Variants in PPP4R2 observed in about 807,000 individuals in gnomAD.
The protein encoded by PPP4R2 is protein phosphatase 4 regulatory subunit 2.
PPP4R2 carries 13 observed loss-of-function variants against 47.2 expected under a neutral mutation model. That is an observed-to-expected ratio of 0.28 (90% CI 0.18 to 0.44). The LOEUF (loss-of-function observed/expected upper bound fraction) is 0.44. Ranked by LOEUF, PPP4R2 falls within the 20% of genes least tolerant of loss-of-function variation. The pLI, the probability that PPP4R2 is intolerant of heterozygous loss-of-function variation, is 1.00. For missense variants in PPP4R2, 421 were observed against 491.2 expected, an observed-to-expected ratio of 0.86 and a Z score of 1.35; for synonymous variants, 151 against 163.3, an observed-to-expected ratio of 0.92 and a Z score of 0.57.
chr3:73,021,728 A>G (rs1192893434), intron 2 of PPP4R2, among the ~76,000 whole-genome samples: 3 of 151,922 alleles, frequency 2.0e-5, no homozygotes, highest in Admixed American at 2.0e-4. Context: ...ACAAATATTT[A>G]TTGAGTATAT....
chr3:73,023,754 G>A (rs1213736650), intron 2 of PPP4R2, among the ~76,000 whole-genome samples: 1 of 152,052 alleles, frequency 6.6e-6, no homozygotes, highest in African/African-American at 2.4e-5. Flanking sequence ...AAATGGAAGT[G>A]GACCATTTAG....
intron 2 of PPP4R2, among the ~76,000 whole-genome samples, chr3:73,000,282 C>A (rs11706722): frequency 0.13 from 19,742 of 152,072 alleles, 1,552 homozygotes; most frequent in East Asian, 0.36. Flanking sequence ...TGCAGTGAGC[C>A]ATGATGGTTG....
chr3:73,007,836 A>C (rs955538130), intron 2 of PPP4R2, among the ~76,000 whole-genome samples: 2 of 152,148 alleles, frequency 1.3e-5, no homozygotes, highest in African/African-American at 4.8e-5. Flanking sequence ...TGTCTAACGT[A>C]GTATTTCTTG....
chr3:73,032,580 C>T (rs181516357), intron 2 of PPP4R2, among the ~76,000 whole-genome samples: 1 of 152,300 alleles, frequency 6.6e-6, no homozygotes, highest in Admixed American at 6.5e-5. Context: ...AGCCACCGTG[C>T]CCAGCCTACC....
chr3:73,021,913 T>G (rs1413587612), intron 2 of PPP4R2, among the ~76,000 whole-genome samples: 1 of 150,002 alleles, frequency 6.7e-6, no homozygotes, highest in Non-Finnish European at 1.5e-5. Context: ...TTTTTTTTTT[T>G]TTTGAAACAA....
chr3:73,039,481 GT>G (rs1479724741), intron 2 of PPP4R2, among the ~76,000 whole-genome samples: 1 of 151,980 alleles, frequency 6.6e-6, no homozygotes, highest in Non-Finnish European at 1.5e-5. Context: ...CAAAAATTCT[GT>G]TCATAATTGT....
intron 2 of PPP4R2, among the ~76,000 whole-genome samples, chr3:73,007,591 C>T (rs924275960): frequency 6.6e-6 from 1 of 152,086 alleles, no homozygotes; most frequent in African/African-American, 2.4e-5. Context: ...CAGGTTCAAG[C>T]GATTCTCCTG....
intron 2 of PPP4R2, among the ~76,000 whole-genome samples, chr3:73,022,736 A>G (rs559217433): frequency 8.7e-4 from 132 of 151,824 alleles, no homozygotes; most frequent in Non-Finnish European, 1.5e-3. Context: ...TGAAACATCA[A>G]TAGCGACCTA....
chr3:73,034,690 G>T (rs1002416148), intron 2 of PPP4R2, among the ~76,000 whole-genome samples: 2 of 152,024 alleles, frequency 1.3e-5, no homozygotes, highest in Non-Finnish European at 2.9e-5. Context: ...ATGCCACCAT[G>T]CCTGGATAAT....
chr3:73,005,017 C>T (rs1426386197), intron 2 of PPP4R2, among the ~76,000 whole-genome samples: 1 of 147,402 alleles, frequency 6.8e-6, no homozygotes, highest in Non-Finnish European at 1.5e-5. Flanking sequence ...GCTCTGTTGC[C>T]CAAGCTGGAG....
At chr3:73,034,946 G>A (rs1442228408) in intron 2 of PPP4R2, among the ~76,000 whole-genome samples, 1 of 152,032 alleles carries the variant, frequency 6.6e-6, no homozygotes, top group Admixed American at 6.6e-5. Context: ...CAGATGAATG[G>A]GATTACATCA....
intron 2 of PPP4R2, among the ~76,000 whole-genome samples, chr3:73,008,638 T>C (rs1401917667): frequency 2.0e-5 from 3 of 152,286 alleles, no homozygotes; most frequent in African/African-American, 7.2e-5. Context: ...TTTGTGAGCT[T>C]GTTTCCTCAC....
chr3:72,999,773 T>C (rs992093263), intron 2 of PPP4R2, among the ~76,000 whole-genome samples: 2 of 152,218 alleles, frequency 1.3e-5, no homozygotes, highest in African/African-American at 4.8e-5. Flanking sequence ...CCATATTCGG[T>C]GTTTATGTAT....
At chr3:73,024,406 A>C (rs1446569884) in intron 2 of PPP4R2, among the ~76,000 whole-genome samples, 3 of 152,184 alleles carry the variant, frequency 2.0e-5, no homozygotes, top group Non-Finnish European at 2.9e-5. Context: ...AGGATCTTGT[A>C]CATTCTGTAG....
chr3:73,011,016 G>A (rs1271139164), intron 2 of PPP4R2, among the ~76,000 whole-genome samples: 1 of 108,134 alleles, frequency 9.2e-6, no homozygotes, highest in African/African-American at 4.0e-5. Context: ...TTTGTCCAAG[G>A]TTGTACAGCT....
intron 7 of PPP4R2, 76 bp from the exon 8 acceptor site, chr3:73,064,776 A>AT: frequency 7.9e-7 from 1 of 1,267,954 alleles, no homozygotes; most frequent in Admixed American, 2.3e-5. Context: ...TTAAAACATT[A>AT]TTTAACCTTA....
At chr3:73,021,501 G>T (rs559932910) in intron 2 of PPP4R2, among the ~76,000 whole-genome samples, 1 of 152,048 alleles carries the variant, frequency 6.6e-6, no homozygotes. Flanking sequence ...ACTCCAGAGT[G>T]TTAGGATTAC....
chr3:73,066,246 A>ATATATATG lies in PPP4R2; in HGVS notation c.*531_*532insGTATATAT, dbSNP rs1367734830. ...TTAAGTCATATATACATACATATAT[A>ATATATATG]TATATATATATATATAATTCTAAGG... is the stretch of plus-strand genomic sequence containing the variant. On this transcript the variant is annotated 3_prime_UTR_variant, in exon 9 of 9. Transcript: ENST00000356692. The ATATATATG allele has an allele frequency of 1.4e-5, 2 of 146,496 alleles. No homozygotes were observed. Among genetic ancestry groups the ATATATATG allele is most frequent in the East Asian group, 3.9e-4 (2 of 5,094 alleles). 9.1% of individuals were successfully genotyped at this position (146,496 alleles called of 1,614,324 possible). A position where few individuals can be genotyped will look rare whatever the true frequency, so the allele number is the denominator to read the frequency against.
chr3:73,040,095 G>T (rs1575869278), intron 2 of PPP4R2, among the ~76,000 whole-genome samples: 2 of 152,088 alleles, frequency 1.3e-5, no homozygotes, highest in Non-Finnish European at 2.9e-5. Flanking sequence ...AATTGAAGAA[G>T]CCCTGGGATG....
Sources: gnomAD v4.1 joint callset for allele counts (sites outside exome capture counted in the v4.1 genomes callset) on GRCh38, gnomAD v4.1.1 for gene constraint, MANE v1.5 for transcripts, NCBI Gene and HGNC (gene_info 2026-07-23, HGNC 2026-07-21) for gene names.